Variants in TRIM4 observed in about 807,000 individuals in gnomAD.
TRIM4 encodes E3 ubiquitin-protein ligase TRIM4.
TRIM4 carries 29 observed loss-of-function variants against 33.7 expected under a neutral mutation model. That is an observed-to-expected ratio of 0.86 (90% CI 0.64 to 1.17). The LOEUF (loss-of-function observed/expected upper bound fraction) is 1.17, where lower values mean the gene tolerates loss of function less well. Ranked by LOEUF, TRIM4 falls within the 50% of genes most tolerant of loss-of-function variation. The pLI, the probability that TRIM4 is intolerant of heterozygous loss-of-function variation, is 0.00. For synonymous variants in TRIM4, 224 were observed against 233.0 expected (o/e 0.96, Z 0.35); for missense variants, 554 against 593.7 (o/e 0.93, Z 0.69).
At chr7:99,905,334 T>C (rs1584267211) in intron 3 of TRIM4, among the ~76,000 whole-genome samples, 1 of 152,232 alleles carries the variant, frequency 6.6e-6, no homozygotes, top group African/African-American at 2.4e-5. Flanking sequence ...TGAACACACA[T>C]GTATGTCCTA....
At chr7:99,910,834 A>G (rs1819424295) in intron 1 of TRIM4, among the ~76,000 whole-genome samples, 1 of 152,242 alleles carries the variant, frequency 6.6e-6, no homozygotes, top group Non-Finnish European at 1.5e-5. Context: ...AGCACCCGAT[A>G]GTAGGATGTC....
At chr7:99,896,856 G>A (rs1819027374) in intron 5 of TRIM4, among the ~76,000 whole-genome samples, 1 of 152,276 alleles carries the variant, frequency 6.6e-6, no homozygotes, top group South Asian at 2.1e-4. Flanking sequence ...CTAAGGGAAA[G>A]TCAAATGCCC....
intron 5 of TRIM4, among the ~76,000 whole-genome samples, chr7:99,898,480 G>T (rs1266490835): frequency 1.3e-5 from 2 of 152,238 alleles, no homozygotes; most frequent in Non-Finnish European, 1.5e-5. Flanking sequence ...GCTACAGGTA[G>T]ACGGCAACCA....
At chr7:99,917,474 C>G (rs1251701761) in intron 1 of TRIM4, among the ~76,000 whole-genome samples, 1 of 152,180 alleles carries the variant, frequency 6.6e-6, no homozygotes, top group Non-Finnish European at 1.5e-5. Flanking sequence ...AATCCCAGCA[C>G]TTTGGGAGGC....
Position 99,919,126 on chromosome 7 carries a change from C to T in TRIM4, c.276G>A (p.Glu92=). 6.6e-7 allele frequency: 1 copy of T among 1,515,684 alleles called. No homozygotes were observed. Among genetic ancestry groups the T allele is most frequent in the Non-Finnish European group, 8.8e-7 (1 of 1,131,196 alleles). The allele number at this position is 1,515,684 out of a possible 1,614,324, so 93.9% of individuals were successfully genotyped here. A position where few individuals can be genotyped will look rare whatever the true frequency, so the allele number is the denominator to read the frequency against. ...VPPGLCGRHW[E]PLRLFCEDDQ... ...CGTCCTCGCAGAAGAGCCGCAGCGGCTCCCAGTGGCGGCCGCACAGGCCCG... is the reference window on the plus strand; with the variant it reads ...CGTCCTCGCAGAAGAGCCGCAGCGGTTCCCAGTGGCGGCCGCACAGGCCCG... The change falls in exon 1 of 6, where the codon GAG becomes GAA. Residue 92 remains glutamate (E), a synonymous_variant. Coordinates refer to ENST00000349062, the MANE Select transcript of TRIM4 (RefSeq NM_033091.3).
In TRIM4 at chr7:99,919,501, G is replaced by T; in HGVS notation, c.-100C>A. 1 of 1,288,948 alleles carries T rather than the reference G, an allele frequency of 7.8e-7. No homozygotes were observed. Among genetic ancestry groups the T allele is most frequent in the Non-Finnish European group, 1.0e-6 (1 of 974,324 alleles). The allele number at this position is 1,288,948 out of a possible 1,614,324, so 79.8% of individuals were successfully genotyped here. A position where few individuals can be genotyped will look rare whatever the true frequency, so the allele number is the denominator to read the frequency against. ...GAGGCCAGACGACTTCCGAACCGCCGTCACCGCCTCACGTAAAAGGGTACA... is the reference window on the plus strand; with the variant it reads ...GAGGCCAGACGACTTCCGAACCGCCTTCACCGCCTCACGTAAAAGGGTACA... On this transcript the variant is annotated 5_prime_UTR_variant, in exon 1 of 6. Coordinates refer to ENST00000349062, the MANE Select transcript of TRIM4 (RefSeq NM_033091.3).
intron 5 of TRIM4, among the ~76,000 whole-genome samples, chr7:99,894,628 C>T (rs532114950): frequency 6.6e-6 from 1 of 151,852 alleles, no homozygotes; most frequent in Admixed American, 6.6e-5. Context: ...GATTGCACCA[C>T]TGCGCCCCAG....
rs1369487900 is a variant in TRIM4 at position 99,892,586 on chromosome 7, T to C, written c.1002A>G (p.Val334=). The change falls in exon 6 of 6, where the codon GTA becomes GTG. Residue 334 remains valine (V), a synonymous_variant. Transcript: ENST00000349062. ...GWRNPQKTAF[V]ERFQHLPCVL... is the part of the protein sequence containing the mutation. The stretch of plus-strand genomic sequence containing the variant: ...CACAGGGTAAGTGCTGAAATCTCTC[T>C]ACAAAAGCAGTCTTCTGAGGATTCC... The C allele has an allele frequency of 1.2e-6, 2 of 1,614,198 alleles. No individual in the cohort carries two copies. Among genetic ancestry groups the C allele is most frequent in the African/African-American group, 1.3e-5 (1 of 75,058 alleles).
At chr7:99,911,015 G>C (rs1395505776) in intron 1 of TRIM4, among the ~76,000 whole-genome samples, 1 of 152,182 alleles carries the variant, frequency 6.6e-6, no homozygotes, top group Non-Finnish European at 1.5e-5. Context: ...AGAAAATATA[G>C]GAAGAAGAGC....
intron 5 of TRIM4, chr7:99,901,777 C>T (rs1489610843): frequency 4.0e-6 from 1 of 247,198 alleles, no homozygotes; most frequent in Non-Finnish European, 7.7e-6. Flanking sequence ...TTAGAAGCTT[C>T]TATCTCCAGC....
chr7:99,902,302 A>G, intron 5 of TRIM4: 1 of 659,512 alleles, frequency 1.5e-6, no homozygotes, highest in East Asian at 2.7e-5. Flanking sequence ...TCTGGAGTGC[A>G]GTGGATACAA....
intron 1 of TRIM4, among the ~76,000 whole-genome samples, chr7:99,916,133 T>C (rs1019855582): frequency 6.6e-6 from 1 of 152,230 alleles, no homozygotes; most frequent in Non-Finnish European, 1.5e-5. Flanking sequence ...CTGCTGAAGA[T>C]GGAAGATTTA....
At chr7:99,910,940 G>A (rs991338400) in intron 1 of TRIM4, among the ~76,000 whole-genome samples, 1 of 152,184 alleles carries the variant, frequency 6.6e-6, no homozygotes, top group Non-Finnish European at 1.5e-5. Context: ...GGAGGAAAGG[G>A]TCCAGATTTA....
chr7:99,905,122 GA>G (rs1308094934), intron 3 of TRIM4, among the ~76,000 whole-genome samples: 1 of 152,104 alleles, frequency 6.6e-6, no homozygotes, highest in Non-Finnish European at 1.5e-5. Context: ...CCTTTAGGAA[GA>G]GGGAAGGGGT....
intron 5 of TRIM4, 144 bp downstream of exon 5, chr7:99,903,074 A>G (rs1819212104): frequency 1.6e-6 from 1 of 625,742 alleles, no homozygotes; most frequent in Non-Finnish European, 2.8e-6. Context: ...TGTTTCTTGA[A>G]TGAAGTGTAT....
At position 99,899,364 on chromosome 7, in the gene TRIM4, G is replaced by C. The variant is rs2151643595; in HGVS notation, c.841+3854C>G. On this transcript the variant is annotated intron_variant, in intron 5 of 5. Coordinates refer to ENST00000349062, the MANE Select transcript of TRIM4 (RefSeq NM_033091.3). The stretch of plus-strand genomic sequence containing the variant: ...CTGCATGCTTTTTACAAATAGCAGT[G>C]GTTTGTTTTCCTGTCCAGCTGGCCA... 3.3e-5 allele frequency among the ~76,000 whole-genome samples: 5 copies of C among 152,300 alleles called. No homozygotes were observed. The Middle Eastern group carries it at 0.017, about 518-fold the overall frequency.
At chr7:99,905,149 G>C (rs1819269888) in intron 3 of TRIM4, among the ~76,000 whole-genome samples, 1 of 152,114 alleles carries the variant, frequency 6.6e-6, no homozygotes, top group Non-Finnish European at 1.5e-5. Flanking sequence ...CTGAGGGCAG[G>C]AGATGACATT....
In TRIM4 at chr7:99,903,242, T is replaced by G; in HGVS notation, c.817A>C (p.Lys273Gln). The G allele has an allele frequency of 6.2e-7, 1 of 1,612,946 alleles. No homozygotes were observed. The highest frequency in any genetic ancestry group is 8.5e-7 in the Non-Finnish European group (1 of 1,179,392). Residue 273 changes from lysine (K) to glutamine (Q), a missense_variant, in exon 5 of 6, where the codon AAG (lysine) becomes CAG (glutamine). Lys to Gln is a moderately conservative substitution (Grantham distance 53). This residue lies in a region of TRIM4 where 290 missense variants were observed against 335.8 expected (regional missense o/e 0.86). Coordinates refer to ENST00000349062, the MANE Select transcript of TRIM4 (RefSeq NM_033091.3). Reference sequence around the variant, plus strand: ...CCTTGGAATCGCTTTAGCATTTCCTTCATCAATGGTATCTGGCACACTGTC... The same window carrying G: ...CCTTGGAATCGCTTTAGCATTTCCTGCATCAATGGTATCTGGCACACTGTC... ...VKTVCQIPLM[K>Q]EMLKRFQVAV...
At chr7:99,903,113 C>T (rs751045462) in intron 5 of TRIM4, 105 bp downstream of exon 5, 2 of 820,464 alleles carry the variant, frequency 2.4e-6, no homozygotes, top group Non-Finnish European at 3.9e-6. Flanking sequence ...TTTCCTGACA[C>T]TCTATTAGCT....
Sources: gnomAD v4.1 joint callset for allele counts (sites outside exome capture counted in the v4.1 genomes callset) on GRCh38, gnomAD v4.1.1 for gene constraint, gnomAD v4.1.1 regional missense constraint, MANE v1.5 for transcripts, NCBI Gene and HGNC (gene_info 2026-07-23, HGNC 2026-07-21) for gene names.